Variants in IRS4 observed in about 807,000 individuals in gnomAD.
IRS4 encodes 160 kDa phosphotyrosine protein.
In IRS4, 15 loss-of-function variants were observed where a neutral mutation model predicts 48.6. That is an observed-to-expected ratio of 0.31 (90% CI 0.21 to 0.48). The LOEUF is 0.48. Ranked by LOEUF, IRS4 falls within the 20% of genes least tolerant of loss-of-function variation. The pLI, the probability that IRS4 is intolerant of heterozygous loss-of-function variation, is 0.99. For missense variants in IRS4, 987 were observed against 1,023.4 expected (o/e 0.96, Z 0.49); for synonymous variants, 459 against 413.2 (o/e 1.11, Z -1.34).
rs1459211548 is a variant in IRS4, at chrX:108,721,552, A to C, written c.*967T>G. On this transcript the variant is annotated 3_prime_UTR_variant, in exon 2 of 2. Coordinates refer to ENST00000372129, the MANE Select transcript of IRS4 (RefSeq NM_001379150.1). Reference sequence around the variant, plus strand: ...GAATATGGGAAATTGATCTCTTTATAGTAGCCATGGGCATAAGAGGAAGAG... The same window carrying C: ...GAATATGGGAAATTGATCTCTTTATCGTAGCCATGGGCATAAGAGGAAGAG... 1 of 111,166 alleles carries C rather than the reference A, an allele frequency of 9.0e-6. No homozygotes were observed. Among genetic ancestry groups the C allele is most frequent in the Non-Finnish European group, 1.9e-5 (1 of 53,074 alleles). 9.2% of individuals were successfully genotyped at this position (111,166 alleles called of 1,213,427 possible). A position where few individuals can be genotyped will look rare whatever the true frequency, so the allele number is the denominator to read the frequency against.
In IRS4 at chrX:108,720,596, CT is replaced by C. The variant is rs1317751364; in HGVS notation, c.*1922del. The C allele has an allele frequency of 3.6e-5, 4 of 111,747 alleles. No individual in the cohort carries two copies. The highest frequency in any genetic ancestry group is 7.5e-5 in the Non-Finnish European group (4 of 53,172). The allele number at this position is 111,747 out of a possible 1,213,427, so 9.2% of individuals were successfully genotyped here. A position where few individuals can be genotyped will look rare whatever the true frequency, so the allele number is the denominator to read the frequency against. ...GATACAGTATTTTCCCCCAAGTAAT[CT>C]TTTTTCCCACAATTCTGAACAATTA... On this transcript the variant is annotated 3_prime_UTR_variant, in exon 2 of 2. Coordinates refer to ENST00000372129, the MANE Select transcript of IRS4 (RefSeq NM_001379150.1).
rs1348355570 is a variant in IRS4, at chrX:108,734,300, G to A, written c.2045C>T (p.Ala682Val). Residue 682 changes from alanine to valine, a missense_variant, in exon 1 of 2, where the codon GCA becomes GTA. This residue lies in a region of IRS4 where 720 missense variants were observed against 660.3 expected (regional missense o/e 1.09). Coordinates refer to ENST00000372129, the MANE Select transcript of IRS4 (RefSeq NM_001379150.1). ...TCTGGCTCTGTGGGGACCTCGAGCT[G>A]CACCTTCTGGGATCTCTGCATCTTT... ...EVKDAEIPEG[A>V]ARGPHRARAF... 2 of 1,211,108 alleles carry A rather than the reference G, an allele frequency of 1.7e-6. No individual in the cohort carries two copies. Among genetic ancestry groups the A allele is most frequent in the African/African-American group, 3.5e-5 (2 of 57,550 alleles).
rs761694225 is a variant in IRS4, at chrX:108,735,717, C to T, written c.628G>A (p.Gly210Ser). The change falls in exon 1 of 2, where the codon GGC becomes AGC. Residue 210 changes from glycine (G) to serine (S), a missense_variant. This residue lies in a region of IRS4 where 173 missense variants were observed against 208.9 expected (regional missense o/e 0.83). Coordinates refer to ENST00000372129, the MANE Select transcript of IRS4 (RefSeq NM_001379150.1). ...GCCGGCTCTCCGTCCGGCTGCGCGCCGAGCGTGCCGCAGCGGCGGCGCTTG... is the reference window on the plus strand; with the variant it reads ...GCCGGCTCTCCGTCCGGCTGCGCGCTGAGCGTGCCGCAGCGGCGGCGCTTG... The part of the protein sequence containing the change: ...ESKRRRCGTL[G>S]AQPDGEPAAL... The T allele has an allele frequency of 4.2e-6, 5 of 1,180,299 alleles. No individual in the cohort carries two copies. In the South Asian group the frequency reaches 5.8e-5, roughly 14 times the overall value.
chrX:108,734,396 C>T lies in IRS4; in HGVS notation c.1949G>A (p.Gly650Glu). Residue 650 changes from glycine to glutamate, a missense_variant, in exon 1 of 2, where the codon GGG (glycine) becomes GAG (glutamate). Gly to Glu is a moderately conservative substitution (Grantham distance 98, BLOSUM62 -2). Transcript: ENST00000372129. ...ACAAAAATAAAGTCTGAATCTTCCC[C>T]CAGACTTCCCTTTTCCACCAGTTCC... ...AGGTGGKGKSGGRFRLYFCVD... is the reference protein window; with the variant it reads ...AGGTGGKGKSEGRFRLYFCVD... 5 of 1,211,843 alleles carry T rather than the reference C, an allele frequency of 4.1e-6. No homozygotes were observed. The highest frequency in any genetic ancestry group is 5.6e-6 in the Non-Finnish European group (5 of 895,493).
intron 1 of IRS4, among the ~76,000 whole-genome samples, chrX:108,731,584 A>G (rs951842331): frequency 5.4e-5 from 6 of 110,812 alleles, no homozygotes; most frequent in Admixed American, 2.9e-4. Context: ...GACAGCTCCT[A>G]CTCTTCCTTA....
Position 108,720,620 on chromosome X carries a change from T to C in IRS4, c.*1899A>G, listed in dbSNP as rs2068852567. ...TCTTTTTTCCCACAATTCTGAACAA[T>C]TATTACTTAACTTACTTGAAAAAAT... On this transcript the variant is annotated 3_prime_UTR_variant, in exon 2 of 2. Transcript: ENST00000372129. 8.9e-6 allele frequency: 1 copy of C among 111,851 alleles called. No individual in the cohort carries two copies. Among genetic ancestry groups the C allele is most frequent in the Non-Finnish European group, 1.9e-5 (1 of 53,212 alleles). The allele number at this position is 111,851 out of a possible 1,213,427, so 9.2% of individuals were successfully genotyped here. A position where few individuals can be genotyped will look rare whatever the true frequency, so the allele number is the denominator to read the frequency against.
At position 108,732,758 on chromosome X, in the gene IRS4, A is replaced by G; in HGVS notation, c.3587T>C (p.Leu1196Pro). The G allele has an allele frequency of 8.3e-7, 1 of 1,207,993 alleles. No homozygotes were observed. The highest frequency in any genetic ancestry group is 1.1e-6 in the Non-Finnish European group (1 of 892,664). Residue 1196 changes from leucine to proline, a missense_variant, in exon 1 of 2, where the codon CTT (leucine) becomes CCT (proline). Leu to Pro is a moderately conservative substitution (Grantham distance 98, BLOSUM62 -3). Transcript: ENST00000372129. Reference protein sequence around the residue: ...NPGAHNPSANLARGDNQAGGA... With the variant: ...NPGAHNPSANPARGDNQAGGA... ...GCCAGCCTGGTTATCACCTCTGGCA[A>G]GGTTTGCAGATGGGTTGTGGGCTCC... is the stretch of plus-strand genomic sequence containing the variant.
Position 108,736,056 on chromosome X carries a change from C to G in IRS4, c.289G>C (p.Val97Leu). ...KQKHGHRRYF[V>L]LKLETADAPA... is the part of the protein sequence containing the mutation. The stretch of plus-strand genomic sequence containing the variant: ...GCGTCAGCAGTCTCGAGTTTGAGCA[C>G]GAAGTAGCGCCTGTGCCCATGCTTC... The change falls in exon 1 of 2, where the codon GTG (valine) becomes CTG (leucine). Residue 97 changes from valine to leucine, a missense_variant. By Grantham distance (32) the Val-to-Leu change is conservative. This residue lies in a region of IRS4 where 173 missense variants were observed against 208.9 expected (regional missense o/e 0.83). Transcript: ENST00000372129. 1 of 1,210,688 alleles carries G rather than the reference C, an allele frequency of 8.3e-7. No individual in the cohort carries two copies. Among genetic ancestry groups the G allele is most frequent in the Non-Finnish European group, 1.1e-6 (1 of 895,384 alleles).
rs1181955626 is a variant in IRS4, at chrX:108,722,496, A to C, written c.*23T>G. The C allele has an allele frequency of 1.2e-5, 4 of 325,878 alleles. No homozygotes were observed. Among genetic ancestry groups the C allele is most frequent in the Non-Finnish European group, 2.4e-5 (4 of 167,533 alleles). The allele number at this position is 325,878 out of a possible 1,213,427, so 26.9% of individuals were successfully genotyped here. On this transcript the variant is annotated 3_prime_UTR_variant, in exon 2 of 2. Coordinates refer to ENST00000372129, the MANE Select transcript of IRS4 (RefSeq NM_001379150.1). ...TCCATAAGCATCACTTTTCTTCTAA[A>C]ATGTGTTTTTGTGGCAATATAATCA...
intron 1 of IRS4, among the ~76,000 whole-genome samples, chrX:108,725,172 A>G (rs757654644): frequency 9.0e-6 from 1 of 111,418 alleles, no homozygotes; most frequent in Admixed American, 9.6e-5. Flanking sequence ...ACCTCTTTAT[A>G]TGAATCATAA....
Position 108,733,032 on chromosome X carries a change from T to A in IRS4, c.3313A>T (p.Thr1105Ser). 1 of 1,211,322 alleles carries A rather than the reference T, an allele frequency of 8.3e-7. No homozygotes were observed. The highest frequency in any genetic ancestry group is 1.1e-6 in the Non-Finnish European group (1 of 895,250). Residue 1105 changes from threonine (T) to serine (S), a missense_variant, in exon 1 of 2, where the codon ACA becomes TCA. By Grantham distance (58) the Thr-to-Ser change is moderately conservative. Around this residue, in one of 4 missense-constraint regions of IRS4, gnomAD observed 720 missense variants for 660.3 expected, o/e 1.09. Transcript: ENST00000372129. Reference sequence around the variant, plus strand: ...GAAAGGTCTCTCTCGAGGCTGTCTGTTGGAAAAGCAGAGACAGCGGCTCTG... The same window carrying A: ...GAAAGGTCTCTCTCGAGGCTGTCTGATGGAAAAGCAGAGACAGCGGCTCTG... ...AARAAVSAFP[T>S]DSLERDLSPS...
intron 1 of IRS4, among the ~76,000 whole-genome samples, chrX:108,731,020 G>A (rs2068899383): frequency 9.0e-6 from 1 of 111,330 alleles, no homozygotes; most frequent in Non-Finnish European, 1.9e-5. Flanking sequence ...TATGGTAGCA[G>A]TGGTGATCAT....
rs2068854384 is a variant in IRS4 at position 108,721,103 on chromosome X, G to A, written c.*1416C>T. 1 of 112,618 alleles carries A rather than the reference G, an allele frequency of 8.9e-6. No individual in the cohort carries two copies. The highest frequency in any genetic ancestry group is 3.2e-5 in the African/African-American group (1 of 31,007). 9.3% of individuals were successfully genotyped at this position (112,618 alleles called of 1,213,427 possible). The stretch of plus-strand genomic sequence containing the variant: ...ACAACAGGTACATCTACAATCACAT[G>A]TACACAGGTACACAAAGTGTGCATA... On this transcript the variant is annotated 3_prime_UTR_variant, in exon 2 of 2. Coordinates refer to ENST00000372129, the MANE Select transcript of IRS4 (RefSeq NM_001379150.1).
intron 1 of IRS4, among the ~76,000 whole-genome samples, chrX:108,725,697 A>T (rs766180544): frequency 1.7e-3 from 195 of 111,779 alleles, no homozygotes; most frequent in African/African-American, 6.0e-3. Flanking sequence ...AAGGCTAAAA[A>T]CTAGTAATAA....
At position 108,735,982 on chromosome X, in the gene IRS4, A is replaced by C; in HGVS notation, c.363T>G (p.Ser121Arg). 1 of 1,208,597 alleles carries C rather than the reference A, an allele frequency of 8.3e-7. No individual in the cohort carries two copies. The highest frequency in any genetic ancestry group is 1.1e-6 in the Non-Finnish European group (1 of 894,406). The part of the protein sequence containing the change: ...YYENARKFRH[S>R]VRAAAAAAAA... ...CTGCTGCAGCCGCCGCGGCGCGGAC[A>C]CTGTGCCGGAACTTCCTGGCATTTT... The change falls in exon 1 of 2, where the codon AGT becomes AGG. Residue 121 changes from serine (S) to arginine (R), a missense_variant. Ser to Arg is a moderately radical substitution (Grantham distance 110). Coordinates refer to ENST00000372129, the MANE Select transcript of IRS4 (RefSeq NM_001379150.1).
At chrX:108,728,723 C>T (rs918464867) in intron 1 of IRS4, among the ~76,000 whole-genome samples, 6 of 112,215 alleles carry the variant, frequency 5.3e-5, no homozygotes, top group African/African-American at 1.9e-4. Context: ...TCTCCCTACA[C>T]TCGTCAGCCA....
Position 108,732,875 on chromosome X carries a change from G to T in IRS4, c.3470C>A (p.Ser1157Tyr). The change falls in exon 1 of 2, where the codon TCC becomes TAC. Residue 1157 changes from serine to tyrosine, a missense_variant. Transcript: ENST00000372129. ...GAAAAAAGFD[S>Y]ASARWFQPVA... ...AGGTTGAAACCAGCGGGCAGAGGCG[G>T]AGTCAAATCCAGCAGCTGCGGCTGC... 8.5e-7 allele frequency: 1 copy of T among 1,169,664 alleles called. No individual in the cohort carries two copies. Among genetic ancestry groups the T allele is most frequent in the Non-Finnish European group, 1.1e-6 (1 of 874,594 alleles).
In IRS4 at chrX:108,725,542, AT is replaced by A. The variant is rs768410675; in HGVS notation, c.3767-3020del. On this transcript the variant is annotated intron_variant, in intron 1 of 1. Transcript: ENST00000372129. Reference sequence around the variant, plus strand: ...GATGAATGTATAATAATGCAATTATATTAGTTAGCTTAGCATTGTCTCTGGA... The same window carrying A: ...GATGAATGTATAATAATGCAATTATATAGTTAGCTTAGCATTGTCTCTGGA... Among the ~76,000 whole-genome samples, 417 of 109,719 alleles carry A rather than the reference AT, an allele frequency of 3.8e-3. 2 individuals are homozygous for A. The highest frequency in any genetic ancestry group is 5.3e-3 in the Non-Finnish European group (280 of 52,833).
rs1801162 is a variant in IRS4, at chrX:108,736,245, G to A, written c.100C>T (p.Leu34Phe). 72,161 of 1,208,866 alleles carry A rather than the reference G, an allele frequency of 0.06. 1,581 individuals are homozygous for A. Among genetic ancestry groups the A allele is most frequent in the Admixed American group, 0.082 (3,744 of 45,844 alleles). The part of the protein sequence containing the change: ...AALAAVVTTP[L>F]LSSGTPTALI... The stretch of plus-strand genomic sequence containing the variant: ...GCGGTCGGGGTTCCCGAGGAAAGAA[G>A]CGGGGTGGTCACCACTGCTGCTAGA... Residue 34 changes from leucine (L) to phenylalanine (F), a missense_variant, in exon 1 of 2, where the codon CTT (leucine) becomes TTT (phenylalanine). Physicochemically the swap from Leu to Phe is conservative, Grantham distance 22. Coordinates refer to ENST00000372129, the MANE Select transcript of IRS4 (RefSeq NM_001379150.1).
Sources: allele counts gnomAD v4.1 joint callset (sites outside exome capture counted in the v4.1 genomes callset), GRCh38; gene constraint gnomAD v4.1.1; regional missense constraint gnomAD v4.1.1; transcripts MANE v1.5; gene names NCBI Gene and HGNC (gene_info 2026-07-23, HGNC 2026-07-21).